Variants in FBXL18 observed in about 807,000 individuals in gnomAD.
FBXL18 encodes F-box/LRR-repeat protein 18.
FBXL18 carries 36 observed loss-of-function variants against 46.0 expected under a neutral mutation model. That is an observed-to-expected ratio of 0.78 (90% CI 0.60 to 1.03). The LOEUF (loss-of-function observed/expected upper bound fraction) is 1.03. Among genes scored for constraint, FBXL18 ranks in the 50% least tolerant of loss-of-function variants. FBXL18 has a pLI of 0.00. For synonymous variants in FBXL18, 557 were observed against 465.3 expected (o/e 1.20, Z -2.54); for missense variants, 977 against 1,004.1 (o/e 0.97, Z 0.36).
rs1375947057 is a variant in FBXL18 at position 5,501,919 on chromosome 7, C to T, written c.350G>A (p.Arg117His). 8 of 1,602,318 alleles carry T rather than the reference C, an allele frequency of 5.0e-6. No homozygotes were observed. Among genetic ancestry groups the T allele is most frequent in the African/African-American group, 2.7e-5 (2 of 74,984 alleles). ...GTTCACCTTCACCAGGCTGCGGCAG[C>T]GGGCCACGTGTTCCACGGTGGAGCC... is the stretch of plus-strand genomic sequence containing the variant. ...LPGSTVEHVA[R>H]CRSLVKVNLS... Residue 117 changes from arginine (R) to histidine (H), a missense_variant, in exon 3 of 5, where the codon CGC becomes CAC. Coordinates refer to ENST00000382368, the MANE Select transcript of FBXL18 (RefSeq NM_024963.6).
At chr7:5,469,780 G>T (rs1296428965) in intron 4 of FBXL18, among the ~76,000 whole-genome samples, 1 of 151,994 alleles carries the variant, frequency 6.6e-6, no homozygotes, top group African/African-American at 2.4e-5. Flanking sequence ...GACTCAGGCG[G>T]TGTTTGTGGA....
chr7:5,499,623 C>T (rs958108435), intron 3 of FBXL18, among the ~76,000 whole-genome samples: 2 of 150,524 alleles, frequency 1.3e-5, no homozygotes, highest in Non-Finnish European at 3.0e-5. Flanking sequence ...CCCAGCTGCT[C>T]GGGAGGCTGA....
intron 4 of FBXL18, 93 bp from the exon 5 acceptor site, chr7:5,482,024 T>G: frequency 1.4e-6 from 2 of 1,453,970 alleles, no homozygotes; most frequent in Non-Finnish European, 1.8e-6. Flanking sequence ...CACACCTGCC[T>G]CCCCGTCCCG....
chr7:5,489,311 A>G, intron 4 of FBXL18: 1 of 518,956 alleles, frequency 1.9e-6, no homozygotes, highest in Non-Finnish European at 3.8e-6. Flanking sequence ...AGTTGGCAGC[A>G]TTCACTGTTG....
intron 1 of FBXL18, among the ~76,000 whole-genome samples, chr7:5,513,189 C>T (rs1784585414): frequency 6.6e-6 from 1 of 152,126 alleles, no homozygotes; most frequent in African/African-American, 2.4e-5. Flanking sequence ...GGTGAAATGG[C>T]TTTTCCTCCA....
chr7:5,462,844 G>A (rs1397035324), intron 4 of FBXL18, among the ~76,000 whole-genome samples: 3 of 148,212 alleles, frequency 2.0e-5, no homozygotes, highest in Admixed American at 1.4e-4. Flanking sequence ...CCAGCTACTC[G>A]GGAGGCTGAG....
chr7:5,505,444 T>C lies in FBXL18; in HGVS notation c.205A>G (p.Ile69Val). The stretch of plus-strand genomic sequence containing the variant: ...TCCTTTTGCAGCAACACGGTGTGGA[T>C]GAGGCTCTTGTCAAGGCACAGGGCT... ...LAALCLDKSLIHTVLLQKDYQ... is the reference protein window; with the variant it reads ...LAALCLDKSLVHTVLLQKDYQ... Residue 69 changes from isoleucine to valine, a missense_variant, in exon 2 of 5, where the codon ATC becomes GTC. Physicochemically the swap from Ile to Val is conservative, Grantham distance 29 (BLOSUM62 3). Coordinates refer to ENST00000382368, the MANE Select transcript of FBXL18 (RefSeq NM_024963.6). 6.2e-7 allele frequency: 1 copy of C among 1,614,104 alleles called. No individual in the cohort carries two copies. The highest frequency in any genetic ancestry group is 8.5e-7 in the Non-Finnish European group (1 of 1,179,994).
At chr7:5,485,940 T>A (rs1333616375) in intron 4 of FBXL18, among the ~76,000 whole-genome samples, 1 of 151,906 alleles carries the variant, frequency 6.6e-6, no homozygotes, top group Non-Finnish European at 1.5e-5. Context: ...ACGCCTGTAA[T>A]CCCAGCTACT....
intron 3 of FBXL18, among the ~76,000 whole-genome samples, chr7:5,493,980 T>C (rs1230340020): frequency 1.3e-5 from 2 of 151,280 alleles, no homozygotes; most frequent in East Asian, 3.9e-4. Flanking sequence ...AATACAAAAA[T>C]TAGCCAGGCA....
chr7:5,462,024 C>A (rs1307853818), intron 4 of FBXL18, among the ~76,000 whole-genome samples: 1 of 152,066 alleles, frequency 6.6e-6, no homozygotes, highest in Non-Finnish European at 1.5e-5. Context: ...ACTGAATCAC[C>A]TGAGGTCGAG....
intron 4 of FBXL18, among the ~76,000 whole-genome samples, chr7:5,484,431 C>T (rs1347216187): frequency 2.7e-5 from 4 of 147,052 alleles, no homozygotes; most frequent in Non-Finnish European, 5.9e-5. Flanking sequence ...GATTGCGCCA[C>T]TGCACTCCAG....
At position 5,483,604 on chromosome 7, in the gene FBXL18, CAT is replaced by C. The variant is rs1394479290; in HGVS notation, c.2001-1675_2001-1674del. Among the ~76,000 whole-genome samples, 3 of 151,950 alleles carry C rather than the reference CAT, an allele frequency of 2.0e-5. No individual in the cohort carries two copies. In the East Asian group the frequency reaches 5.8e-4, roughly 29 times the overall value. ...TACTAATAATACAAAATTAGCCGGG[CAT>C]GGTGGTGCATGCCTGTAATCCCAGC... On this transcript the variant is annotated intron_variant, in intron 4 of 4. Transcript: ENST00000382368.
chr7:5,461,828 C>T (rs1430904600), intron 4 of FBXL18, among the ~76,000 whole-genome samples: 2 of 152,200 alleles, frequency 1.3e-5, no homozygotes, highest in East Asian at 1.9e-4. Flanking sequence ...GTAGTCCCAG[C>T]TACTCGAGAG....
intron 1 of FBXL18, among the ~76,000 whole-genome samples, chr7:5,506,977 C>T (rs903670085): frequency 6.6e-6 from 1 of 152,170 alleles, no homozygotes; most frequent in African/African-American, 2.4e-5. Context: ...AGAGCTGGAC[C>T]TAATGAGACA....
intron 4 of FBXL18, among the ~76,000 whole-genome samples, chr7:5,463,721 TTTATTTA>T (rs1783293871): frequency 8.6e-5 from 6 of 69,930 alleles, no homozygotes; most frequent in Admixed American, 1.8e-4. Context: ...TATTTATTTA[TTTATTTA>T]TTTTTTTTTT....
Position 5,455,488 on chromosome 7 carries a change from C to T in FBXL18, c.2001-7645G>A, listed in dbSNP as rs1783158091. Among the ~76,000 whole-genome samples, 1 of 152,104 alleles carries T rather than the reference C, an allele frequency of 6.6e-6. No individual in the cohort carries two copies. The highest frequency in any genetic ancestry group is 2.1e-4 in the South Asian group (1 of 4,820). On this transcript the variant is annotated intron_variant and NMD_transcript_variant, in intron 4 of 6. Coordinates refer to the FBXL18 transcript ENST00000415009. The surrounding 1 kb of genome is among the most constrained non-coding windows in gnomAD (Gnocchi z 4.6). ...TAGTCTCCTTGCTCGCCACTGGCTT[C>T]ACTGGCGTCAGAAGCAATTCCACAA...
At chr7:5,463,737 T>A (rs1373295124) in intron 4 of FBXL18, among the ~76,000 whole-genome samples, 645 of 35,622 alleles carry the variant, frequency 0.018, 3 homozygotes, top group Middle Eastern at 0.05. Flanking sequence ...TATTTTTTTT[T>A]TTTTTTTTTT....
At chr7:5,487,827 C>T (rs1402181280) in intron 4 of FBXL18, among the ~76,000 whole-genome samples, 3 of 147,826 alleles carry the variant, frequency 2.0e-5, no homozygotes, top group African/African-American at 7.4e-5. Flanking sequence ...GGTCCCACCA[C>T]AGGCCTGGGT....
chr7:5,490,071 C>T (rs754825346), intron 4 of FBXL18: 195 of 1,355,936 alleles, frequency 1.4e-4, no homozygotes, highest in Admixed American at 8.1e-4. Context: ...AGACAGCCAG[C>T]GGCCGACCGC....
Sources: gnomAD v4.1 joint callset for allele counts (sites outside exome capture counted in the v4.1 genomes callset) on GRCh38, gnomAD v4.1.1 for gene constraint, Gnocchi (gnomAD v3.1) non-coding constraint, MANE v1.5 for transcripts, NCBI Gene and HGNC (gene_info 2026-07-23, HGNC 2026-07-21) for gene names.